Variants in CREB5 observed in about 807,000 individuals in gnomAD.
The protein encoded by CREB5 is cAMP responsive element binding protein 5, also known as cyclic AMP-responsive element-binding protein 5.
CREB5 carries 19 observed loss-of-function variants against 57.1 expected under a neutral mutation model. That is an observed-to-expected ratio of 0.33 (90% CI 0.23 to 0.49). The LOEUF is 0.49. Among genes scored for constraint, CREB5 ranks in the 20% least tolerant of loss-of-function variants. The probability of loss-of-function intolerance (pLI) is 0.99; values close to 1 mark genes in which losing one functional copy is unlikely to be tolerated. For synonymous variants in CREB5, 238 were observed against 238.3 expected (o/e 1.00, Z 0.01); for missense variants, 579 against 671.6 (o/e 0.86, Z 1.52).
chr7:28,746,566 G>A (rs1197990518), intron 7 of CREB5, among the ~76,000 whole-genome samples: 2 of 152,204 alleles, frequency 1.3e-5, no homozygotes, highest in Non-Finnish European at 2.9e-5. Flanking sequence ...TGAACCTTAA[G>A]AGATTCTGTC....
At chr7:28,684,093 T>C (rs1382235543) in intron 5 of CREB5, among the ~76,000 whole-genome samples, 1 of 152,212 alleles carries the variant, frequency 6.6e-6, no homozygotes, top group East Asian at 1.9e-4. Flanking sequence ...AAGTAGCTTA[T>C]GCAAAATCTT....
intron 5 of CREB5, among the ~76,000 whole-genome samples, chr7:28,666,819 G>T (rs1466814252): frequency 6.6e-6 from 1 of 151,832 alleles, no homozygotes; most frequent in Non-Finnish European, 1.5e-5. Context: ...GTGTGTCCCA[G>T]CTACTTGGAG....
At chr7:28,405,272 A>T (rs563977462) in intron 1 of CREB5, among the ~76,000 whole-genome samples, 1 of 152,268 alleles carries the variant, frequency 6.6e-6, no homozygotes, top group East Asian at 1.9e-4. Flanking sequence ...TTTCCCCATC[A>T]CTGTTAATTT....
rs565539095 is a variant in CREB5 at position 28,520,144 on chromosome 7, G to C, written c.291+12407G>C. On this transcript the variant is annotated intron_variant, in intron 4 of 10. Coordinates refer to ENST00000357727, the MANE Select transcript of CREB5 (RefSeq NM_182898.4). ...TTCAGCTCATCCGCCTGGATTACTG[G>C]CTTTTCATCAAAGGCTAAGTAGGTA... Among the ~76,000 whole-genome samples, 4 of 152,284 alleles carry C rather than the reference G, an allele frequency of 2.6e-5. No homozygotes were observed. In the South Asian group the frequency reaches 8.3e-4, roughly 32 times the overall value.
At position 28,459,974 on chromosome 7, in the gene CREB5, G is replaced by T. The variant is rs186500423; in HGVS notation, c.4-28201G>T. ...ACATAAAGAGGACTTTGAGGCGAAT[G>T]ATTTTCCTACAGCTGCAGGTCCTGT... On this transcript the variant is annotated intron_variant, in intron 1 of 10. Transcript: ENST00000357727. Among the ~76,000 whole-genome samples the T allele has an allele frequency of 2.2e-3, 328 of 152,310 alleles. 1 individual carries two copies. The highest frequency in any genetic ancestry group is 7.7e-3 in the African/African-American group (319 of 41,558).
intron 1 of CREB5, among the ~76,000 whole-genome samples, chr7:28,418,243 C>A (rs1662846674): frequency 6.6e-6 from 1 of 152,162 alleles, no homozygotes; most frequent in African/African-American, 2.4e-5. Context: ...TATTTGTCAC[C>A]TTTTAAAATA....
intron 5 of CREB5, among the ~76,000 whole-genome samples, chr7:28,648,824 TAAAG>T (rs1799010962): frequency 6.6e-6 from 1 of 152,322 alleles, no homozygotes; most frequent in African/African-American, 2.4e-5. Context: ...ATAATATACT[TAAAG>T]ACTCTTTTAT....
At chr7:28,458,137 T>A (rs2128572995) in intron 1 of CREB5, among the ~76,000 whole-genome samples, 1 of 152,280 alleles carries the variant, frequency 6.6e-6, no homozygotes, top group Admixed American at 6.5e-5. Flanking sequence ...GGTGACAGAC[T>A]TCGTTTTAGA....
At chr7:28,305,124 C>T (rs769380147) in intron 1 of CREB5, among the ~76,000 whole-genome samples, 1 of 152,202 alleles carries the variant, frequency 6.6e-6, no homozygotes, top group African/African-American at 2.4e-5. Flanking sequence ...TATTTAGCAT[C>T]TCTCTTTCAG....
intron 1 of CREB5, among the ~76,000 whole-genome samples, chr7:28,398,272 G>A (rs766937220): frequency 6.6e-6 from 1 of 152,140 alleles, no homozygotes; most frequent in African/African-American, 2.4e-5. Flanking sequence ...GGCCTCATGA[G>A]TAGAGCGCTC....
At chr7:28,464,042 A>G (rs1028296112) in intron 1 of CREB5, among the ~76,000 whole-genome samples, 4 of 152,126 alleles carry the variant, frequency 2.6e-5, no homozygotes, top group Non-Finnish European at 2.9e-5. Flanking sequence ...GATATTAATG[A>G]TAGGATTTTT....
At chr7:28,566,283 G>A (rs1795474493) in intron 4 of CREB5, among the ~76,000 whole-genome samples, 1 of 152,212 alleles carries the variant, frequency 6.6e-6, no homozygotes, top group African/African-American at 2.4e-5. Flanking sequence ...CAGAACATTA[G>A]CTATGCCTCC....
At chr7:28,326,647 G>A (rs549744089) in intron 1 of CREB5, among the ~76,000 whole-genome samples, 144 of 152,260 alleles carry the variant, frequency 9.5e-4, no homozygotes, top group Admixed American at 1.7e-3. Context: ...TGTCCTCATG[G>A]TTACTACCCT....
chr7:28,800,422 C>T (rs1340553683), intron 7 of CREB5, among the ~76,000 whole-genome samples: 6 of 152,186 alleles, frequency 3.9e-5, no homozygotes, highest in African/African-American at 1.2e-4. Context: ...GGCAGGCCTA[C>T]GCCCTGCAGG....
chr7:28,559,800 G>A (rs1030468744), intron 4 of CREB5, among the ~76,000 whole-genome samples: 3 of 152,202 alleles, frequency 2.0e-5, no homozygotes, highest in Non-Finnish European at 4.4e-5. Flanking sequence ...AGGTGCTAGC[G>A]ATAGAAGAGA....
chr7:28,299,816 G>A (rs1167219811), intron 1 of CREB5, among the ~76,000 whole-genome samples: 1 of 152,184 alleles, frequency 6.6e-6, no homozygotes, highest in Non-Finnish European at 1.5e-5. Flanking sequence ...TGTTACCAAA[G>A]TTTAGGAGCC....
At chr7:28,654,005 A>G (rs971539472) in intron 5 of CREB5, among the ~76,000 whole-genome samples, 1 of 152,202 alleles carries the variant, frequency 6.6e-6, no homozygotes, top group African/African-American at 2.4e-5. Flanking sequence ...ATATAGGAGC[A>G]TGTGGATTTT....
At chr7:28,696,606 A>C (rs991251758) in intron 5 of CREB5, among the ~76,000 whole-genome samples, 2 of 152,112 alleles carry the variant, frequency 1.3e-5, no homozygotes, top group African/African-American at 2.4e-5. Context: ...TCTGTATAGT[A>C]GTTTTTAAAT....
chr7:28,340,358 T>C (rs1785913378), intron 1 of CREB5, among the ~76,000 whole-genome samples: 1 of 152,164 alleles, frequency 6.6e-6, no homozygotes, highest in Non-Finnish European at 1.5e-5. Flanking sequence ...CAGCAGGTGA[T>C]AAATTCTGCC....
Sources: gnomAD v4.1 joint callset for allele counts (sites outside exome capture counted in the v4.1 genomes callset) on GRCh38, gnomAD v4.1.1 for gene constraint, MANE v1.5 for transcripts, NCBI Gene and HGNC (gene_info 2026-07-23, HGNC 2026-07-21) for gene names.